Variants in TFAP2D observed in about 807,000 individuals in gnomAD.
The protein encoded by TFAP2D is transcription factor AP-2-delta.
TFAP2D carries 9 observed loss-of-function variants against 43.6 expected under a neutral mutation model. The observed-to-expected ratio is 0.21, with a 90% CI of 0.12 to 0.36. The LOEUF is 0.36. Ranked by LOEUF, TFAP2D falls within the 10% of genes least tolerant of loss-of-function variation. The pLI, the probability that TFAP2D is intolerant of heterozygous loss-of-function variation, is 1.00. For missense variants in TFAP2D, 513 were observed against 561.4 expected (o/e 0.91, Z 0.87); for synonymous variants, 256 against 224.9 (o/e 1.14, Z -1.24).
At chr6:50,723,601 T>C (rs759673167) in intron 3 of TFAP2D, among the ~76,000 whole-genome samples, 12 of 152,174 alleles carry the variant, frequency 7.9e-5, no homozygotes, top group Middle Eastern at 6.3e-3. Context: ...CCAGTGCAGA[T>C]TCTGCAGGTT....
chr6:50,744,623 A>T (rs1769098220), intron 5 of TFAP2D, among the ~76,000 whole-genome samples: 1 of 152,144 alleles, frequency 6.6e-6, no homozygotes. Context: ...TGATTTTCCA[A>T]AGTTCTCCGA....
rs1326777314 is a variant in TFAP2D at position 50,715,470 on chromosome 6, C to T, written c.394C>T (p.Arg132Trp). Residue 132 changes from arginine to tryptophan, a missense_variant, in exon 2 of 8, where the codon CGG becomes TGG. By Grantham distance (101) the Arg-to-Trp change is moderately radical. Coordinates refer to ENST00000008391, the MANE Select transcript of TFAP2D (RefSeq NM_172238.4). ...GTCGTCCTGCCTGGACGAGCAGAGG[C>T]GGGAGCTGGGCTGCCTCGATGCCTA... ...LKSSCLDEQR[R>W]ELGCLDAYRR... The T allele has an allele frequency of 6.2e-7, 1 of 1,614,020 alleles. No homozygotes were observed. The highest frequency in any genetic ancestry group is 8.5e-7 in the Non-Finnish European group (1 of 1,180,034).
At chr6:50,729,370 A>G in intron 5 of TFAP2D, 58 bp downstream of exon 5, 2 of 1,441,476 alleles carry the variant, frequency 1.4e-6, no homozygotes, top group Non-Finnish European at 1.9e-6. Flanking sequence ...TTTGAAACTC[A>G]GGTTTCTTAA....
intron 6 of TFAP2D, among the ~76,000 whole-genome samples, chr6:50,748,903 A>C (rs1769161793): frequency 1.3e-5 from 2 of 151,874 alleles, no homozygotes; most frequent in Non-Finnish European, 2.9e-5. Context: ...GTAAGTGATA[A>C]AGTTAGAATG....
rs2114038388 is a variant in TFAP2D, at chr6:50,729,310, A to G, written c.881A>G (p.Glu294Gly). The G allele has an allele frequency of 6.2e-7, 1 of 1,613,054 alleles. No individual in the cohort carries two copies. The highest frequency in any genetic ancestry group is 1.7e-4 in the Middle Eastern group (1 of 6,052). Reference protein sequence around the residue: ...ANVTLLTSLVEGEALHLARDF... With the variant: ...ANVTLLTSLVGGEALHLARDF... The stretch of plus-strand genomic sequence containing the variant: ...GTCACCCTCCTTACTTCCTTGGTTG[A>G]AGGTATGACTTTTCAGTTTAGCAAA... Residue 294 changes from glutamate to glycine, a missense_variant and splice_region_variant, in exon 5 of 8, where the codon GAA (glutamate) becomes GGA (glycine). By Grantham distance (98) the Glu-to-Gly change is moderately conservative. Coordinates refer to ENST00000008391, the MANE Select transcript of TFAP2D (RefSeq NM_172238.4).
chr6:50,746,588 TCA>T (rs1769127899), intron 6 of TFAP2D, among the ~76,000 whole-genome samples: 1 of 152,138 alleles, frequency 6.6e-6, no homozygotes, highest in African/African-American at 2.4e-5. Flanking sequence ...ATTAAAAACA[TCA>T]CTTCTTAGAA....
intron 7 of TFAP2D, among the ~76,000 whole-genome samples, chr6:50,766,717 G>A (rs1391766322): frequency 3.3e-5 from 4 of 122,136 alleles, no homozygotes; most frequent in South Asian, 5.5e-4. Flanking sequence ...GCCGGACTGC[G>A]GACTGCAGTG....
At chr6:50,744,346 G>C (rs969582064) in intron 5 of TFAP2D, among the ~76,000 whole-genome samples, 1 of 152,090 alleles carries the variant, frequency 6.6e-6, no homozygotes, top group Non-Finnish European at 1.5e-5. Flanking sequence ...ATGGCCTCCA[G>C]CTACTTTTGC....
In TFAP2D at chr6:50,755,500, G is replaced by T. The variant is rs553808352; in HGVS notation, c.1139+4176G>T. Among the ~76,000 whole-genome samples, 7 of 151,478 alleles carry T rather than the reference G, an allele frequency of 4.6e-5. No homozygotes were observed. The South Asian group carries it at 1.5e-3, about 32-fold the overall frequency. On this transcript the variant is annotated intron_variant, in intron 7 of 7. Transcript: ENST00000008391. Reference sequence around the variant, plus strand: ...TAAAGATTTGATTCAGTAGTTCTAGGGCTGGACTCAGGTATCTATGTTATT... The same window carrying T: ...TAAAGATTTGATTCAGTAGTTCTAGTGCTGGACTCAGGTATCTATGTTATT...
intron 1 of TFAP2D, among the ~76,000 whole-genome samples, chr6:50,714,763 G>A (rs3765305): frequency 0.088 from 13,389 of 152,056 alleles, 840 homozygotes; most frequent in African/African-American, 0.18. Context: ...TTGCAAACCT[G>A]GATCCCAACG....
chr6:50,771,428 A>G (rs1201245006), intron 7 of TFAP2D, among the ~76,000 whole-genome samples: 1 of 152,220 alleles, frequency 6.6e-6, no homozygotes, highest in African/African-American at 2.4e-5. Context: ...CTCCAGCTGG[A>G]TGGCCATATG....
At chr6:50,719,174 T>G in intron 3 of TFAP2D, 24 bp downstream of exon 3, 1 of 1,610,242 alleles carries the variant, frequency 6.2e-7, no homozygotes, top group Middle Eastern at 1.7e-4. Flanking sequence ...AACAACATGT[T>G]AACCCTAGAC....
rs762192133 is a variant in TFAP2D, at chr6:50,772,726, C to T, written c.1221C>T (p.Asn407=). Residue 407 remains asparagine (N), a synonymous_variant, in exon 8 of 8, where the codon AAC becomes AAT. Transcript: ENST00000008391. ...TFQTVLSEML[N]YLEKHTTHKN... is the part of the protein sequence containing the mutation. The stretch of plus-strand genomic sequence containing the variant: ...AAACAGTTCTCAGTGAAATGCTGAA[C>T]TACTTGGAAAAACACACTACTCACA... 21 of 1,614,012 alleles carry T rather than the reference C, an allele frequency of 1.3e-5. No individual in the cohort carries two copies. Among genetic ancestry groups the T allele is most frequent in the Non-Finnish European group, 1.7e-5 (20 of 1,180,026 alleles).
intron 7 of TFAP2D, among the ~76,000 whole-genome samples, chr6:50,767,689 T>A (rs1006362482): frequency 6.6e-6 from 1 of 152,124 alleles, no homozygotes; most frequent in African/African-American, 2.4e-5. Context: ...TTCAATTGGC[T>A]GAGAGAGGGA....
chr6:50,772,768 G>A lies in TFAP2D; in HGVS notation c.1263G>A (p.Ala421=), dbSNP rs570106134. 54 of 1,614,048 alleles carry A rather than the reference G, an allele frequency of 3.3e-5. 1 individual carries two copies. The highest frequency in any genetic ancestry group is 2.0e-4 in the South Asian group (18 of 91,082). The change falls in exon 8 of 8, where the codon GCG becomes GCA. Residue 421 remains alanine (A), a synonymous_variant. Transcript: ENST00000008391. The part of the protein sequence containing the change: ...KHTTHKNGGA[A]DSGQGHANSE... ...CTACTCACAAGAACGGCGGAGCGGC[G>A]GATTCTGGCCAAGGACATGCCAACT... is the stretch of plus-strand genomic sequence containing the variant.
At chr6:50,744,909 T>A (rs1240074799) in intron 5 of TFAP2D, among the ~76,000 whole-genome samples, 198 bp from the exon 6 acceptor site, 1 of 152,124 alleles carries the variant, frequency 6.6e-6, no homozygotes, top group Non-Finnish European at 1.5e-5. Flanking sequence ...AAGTCACTTC[T>A]CTGTTCCTCA....
At chr6:50,734,813 TG>T (rs1768941256) in intron 5 of TFAP2D, among the ~76,000 whole-genome samples, 1 of 152,104 alleles carries the variant, frequency 6.6e-6, no homozygotes. Flanking sequence ...AAAAATTTTA[TG>T]GTCTGGCACC....
At chr6:50,719,501 G>GAAAGAAAGA (rs3835214) in intron 3 of TFAP2D, among the ~76,000 whole-genome samples, 4,651 of 133,544 alleles carry the variant, frequency 0.035, 111 homozygotes, top group East Asian at 0.061. Context: ...AAGAAAGAAA[G>GAAAGAAAGA]AAGTTTCTCA....
chr6:50,733,177 G>T (rs1056443969), intron 5 of TFAP2D, among the ~76,000 whole-genome samples: 3 of 151,968 alleles, frequency 2.0e-5, no homozygotes, highest in South Asian at 2.1e-4. Context: ...ATTTTGGGGG[G>T]TCTACATAAC....
Sources: gnomAD v4.1 joint callset for allele counts (sites outside exome capture counted in the v4.1 genomes callset) on GRCh38, gnomAD v4.1.1 for gene constraint, MANE v1.5 for transcripts, NCBI Gene and HGNC (gene_info 2026-07-23, HGNC 2026-07-21) for gene names.